The following MN1 variants were observed in gnomAD, a reference collection of about 807,000 sequenced individuals.
The protein encoded by MN1 is MN1 proto-oncogene, transcriptional regulator.
Under a neutral mutation model 86.9 loss-of-function variants are expected in MN1, and 19 were observed. The observed-to-expected ratio is 0.22, with a 90% CI of 0.15 to 0.32. The LOEUF is 0.32. Among genes scored for constraint, MN1 ranks in the 10% least tolerant of loss-of-function variants. The pLI, the probability that MN1 is intolerant of heterozygous loss-of-function variation, is 1.00. For missense variants in MN1, 1,841 were observed against 1,862.0 expected (o/e 0.99, Z 0.21); for synonymous variants, 928 against 849.6 (o/e 1.09, Z -1.60).
intron 1 of MN1, among the ~76,000 whole-genome samples, chr22:27,760,658 C>G (rs949916876): frequency 6.6e-6 from 1 of 152,228 alleles, no homozygotes; most frequent in African/African-American, 2.4e-5. Flanking sequence ...TAGTGGCCAA[C>G]AGCCTGCGTG....
In MN1 at chr22:27,750,536, G is replaced by C. The variant is rs1601319179; in HGVS notation, c.*379C>G. On this transcript the variant is annotated 3_prime_UTR_variant, in exon 2 of 2. Coordinates refer to ENST00000302326, the MANE Select transcript of MN1 (RefSeq NM_002430.3). ...TCTTATTATGAAATAACAATACTTG[G>C]ACATACAGCAGCATGAAAACAAAAC... 10 of 238,772 alleles carry C rather than the reference G, an allele frequency of 4.2e-5. No homozygotes were observed. In the East Asian group the frequency reaches 6.0e-4, roughly 14 times the overall value. The allele number at this position is 238,772 out of a possible 1,614,324, so 14.8% of individuals were successfully genotyped here.
intron 1 of MN1, among the ~76,000 whole-genome samples, chr22:27,791,412 T>C (rs1933209440): frequency 6.6e-6 from 1 of 151,890 alleles, no homozygotes; most frequent in Non-Finnish European, 1.5e-5. Flanking sequence ...GACACCATCC[T>C]AAAACAAACA....
intron 1 of MN1, among the ~76,000 whole-genome samples, chr22:27,795,869 C>A (rs976446843): frequency 6.6e-6 from 1 of 152,270 alleles, no homozygotes; most frequent in Admixed American, 6.5e-5. Flanking sequence ...ACTAACCCCA[C>A]CCCTCCCACC....
Position 27,800,255 on chromosome 22 carries a change from G to A in MN1, c.289C>T (p.Pro97Ser), listed in dbSNP as rs752761105. ...PVHGFFGGQQ[P>S]HHGHPGSHHP... is the part of the protein sequence containing the mutation. The stretch of plus-strand genomic sequence containing the variant: ...TGACTTCCCGGGTGGCCGTGGTGAG[G>A]CTGCTGGCCGCCAAAGAAGCCGTGC... The change falls in exon 1 of 2, where the codon CCT becomes TCT. Residue 97 changes from proline (P) to serine (S), a missense_variant. Physicochemically the swap from Pro to Ser is moderately conservative, Grantham distance 74 (BLOSUM62 -1). Transcript: ENST00000302326. 5 of 1,583,878 alleles carry A rather than the reference G, an allele frequency of 3.2e-6. No homozygotes were observed. Among genetic ancestry groups the A allele is most frequent in the Admixed American group, 3.6e-5 (2 of 56,072 alleles).
In MN1 at chr22:27,800,701, A is replaced by G. The variant is rs1411227167; in HGVS notation, c.-158T>C. 3.5e-6 allele frequency: 3 copies of G among 847,858 alleles called. No homozygotes were observed. The highest frequency in any genetic ancestry group is 5.4e-6 in the Non-Finnish European group (3 of 550,648). The allele number at this position is 847,858 out of a possible 1,614,324, so 52.5% of individuals were successfully genotyped here. On this transcript the variant is annotated 5_prime_UTR_variant, in exon 1 of 2. Coordinates refer to ENST00000302326, the MANE Select transcript of MN1 (RefSeq NM_002430.3). ...ACCTCCACCCCGCCTGATGTGAGGG[A>G]CGGGGGGCGGGGTATTAGCTCCTCT...
At chr22:27,770,030 A>G (rs761032569) in intron 1 of MN1, among the ~76,000 whole-genome samples, 7 of 152,182 alleles carry the variant, frequency 4.6e-5, no homozygotes, top group Admixed American at 6.5e-5. Flanking sequence ...CATAGTCACT[A>G]ATTGGCAATC....
chr22:27,797,351 T>G lies in MN1; in HGVS notation c.3193A>C (p.Asn1065His), dbSNP rs2146315702. The G allele has an allele frequency of 6.2e-7, 1 of 1,608,476 alleles. No individual in the cohort carries two copies. Among genetic ancestry groups the G allele is most frequent in the East Asian group, 2.2e-5 (1 of 44,856 alleles). Residue 1065 changes from asparagine (N) to histidine (H), a missense_variant, in exon 1 of 2, where the codon AAC becomes CAC. By Grantham distance (68) the Asn-to-His change is moderately conservative. Transcript: ENST00000302326. ...CTCGCTTTAACTAGTGCCTGGGGGTTGTCAGAGCTGGACGACACCTCGTCC... is the reference window on the plus strand; with the variant it reads ...CTCGCTTTAACTAGTGCCTGGGGGTGGTCAGAGCTGGACGACACCTCGTCC... ...NEDEVSSSSD[N>H]PQALVKASRS...
intron 1 of MN1, among the ~76,000 whole-genome samples, chr22:27,757,325 G>A (rs1211302652): frequency 2.6e-5 from 4 of 152,170 alleles, no homozygotes; most frequent in Non-Finnish European, 4.4e-5. Context: ...GTGAGCCACC[G>A]CACCCGGCGC....
chr22:27,800,658 C>A lies in MN1; in HGVS notation c.-115G>T. 2 of 1,491,566 alleles carry A rather than the reference C, an allele frequency of 1.3e-6. No homozygotes were observed. Among genetic ancestry groups the A allele is most frequent in the South Asian group, 1.2e-5 (1 of 80,284 alleles). The allele number at this position is 1,491,566 out of a possible 1,614,324, so 92.4% of individuals were successfully genotyped here. A position where few individuals can be genotyped will look rare whatever the true frequency, so the allele number is the denominator to read the frequency against. Reference sequence around the variant, plus strand: ...TTGGGCGCTCCGGGACGCTCAGCACCGCGGGGGCTCAGCGCGCACCTCCAC... The same window carrying A: ...TTGGGCGCTCCGGGACGCTCAGCACAGCGGGGGCTCAGCGCGCACCTCCAC... On this transcript the variant is annotated 5_prime_UTR_variant, in exon 1 of 2. Coordinates refer to ENST00000302326, the MANE Select transcript of MN1 (RefSeq NM_002430.3).
At chr22:27,786,303 A>C (rs1041220015) in intron 1 of MN1, among the ~76,000 whole-genome samples, 10 of 152,050 alleles carry the variant, frequency 6.6e-5, no homozygotes, top group African/African-American at 2.4e-4. Context: ...CCCTTTACAG[A>C]CTCAGTGTTA....
Position 27,750,875 on chromosome 22 carries a change from A to C in MN1, c.*40T>G. On this transcript the variant is annotated 3_prime_UTR_variant, in exon 2 of 2. Coordinates refer to ENST00000302326, the MANE Select transcript of MN1 (RefSeq NM_002430.3). ...GAGGGGGAAGGAAACAGACAGGGGG[A>C]GAGGAAGGGCCTGGTAGAGGAGGGG... 1 of 1,503,450 alleles carries C rather than the reference A, an allele frequency of 6.7e-7. No individual in the cohort carries two copies. The highest frequency in any genetic ancestry group is 9.0e-7 in the Non-Finnish European group (1 of 1,109,782). 93.1% of individuals were successfully genotyped at this position (1,503,450 alleles called of 1,614,324 possible). A position where few individuals can be genotyped will look rare whatever the true frequency, so the allele number is the denominator to read the frequency against.
At chr22:27,760,567 A>T (rs1932828150) in intron 1 of MN1, among the ~76,000 whole-genome samples, 1 of 152,170 alleles carries the variant, frequency 6.6e-6, no homozygotes, top group Non-Finnish European at 1.5e-5. Flanking sequence ...CTGGGGCAGG[A>T]GCCTAAGCAA....
Position 27,798,562 on chromosome 22 carries a change from G to A in MN1, c.1982C>T (p.Pro661Leu), listed in dbSNP as rs541205461. Reference sequence around the variant, plus strand: ...AGGCGGAGGAGGGGGCGCCAGGCTGGGGTCGTGCGGGCCACAGTCAGCGGG... The same window carrying A: ...AGGCGGAGGAGGGGGCGCCAGGCTGAGGTCGTGCGGGCCACAGTCAGCGGG... ...GLPADCGPHDPSLAPPPPPGG... is the reference protein window; with the variant it reads ...GLPADCGPHDLSLAPPPPPGG... Residue 661 changes from proline (P) to leucine (L), a missense_variant, in exon 1 of 2, where the codon CCC becomes CTC. Coordinates refer to ENST00000302326, the MANE Select transcript of MN1 (RefSeq NM_002430.3). 1.2e-5 allele frequency: 19 copies of A among 1,528,306 alleles called. No individual in the cohort carries two copies. The South Asian group carries it at 2.2e-4, about 18-fold the overall frequency. The allele number at this position is 1,528,306 out of a possible 1,614,324, so 94.7% of individuals were successfully genotyped here.
intron 1 of MN1, among the ~76,000 whole-genome samples, chr22:27,762,970 T>A (rs149507135): frequency 6.6e-6 from 1 of 152,048 alleles, no homozygotes; most frequent in African/African-American, 2.4e-5. Flanking sequence ...TAGCCAAGCA[T>A]GGTGGTGTGT....
intron 1 of MN1, among the ~76,000 whole-genome samples, chr22:27,791,430 G>A (rs1003383297): frequency 2.6e-5 from 4 of 151,844 alleles, no homozygotes; most frequent in East Asian, 3.9e-4. Context: ...ACACATCGTC[G>A]GCAAGTCAAA....
At chr22:27,763,056 T>C (rs1415233872) in intron 1 of MN1, among the ~76,000 whole-genome samples, 1 of 152,068 alleles carries the variant, frequency 6.6e-6, no homozygotes, top group Non-Finnish European at 1.5e-5. Flanking sequence ...GATGGTGCCA[T>C]TGCACTCTGG....
intron 1 of MN1, among the ~76,000 whole-genome samples, chr22:27,767,105 CT>C (rs1932875559): frequency 6.6e-6 from 1 of 152,136 alleles, no homozygotes; most frequent in Non-Finnish European, 1.5e-5. Flanking sequence ...TTCCATGAAA[CT>C]AGGGGCCTTG....
chr22:27,770,405 C>G (rs1043715042), intron 1 of MN1, among the ~76,000 whole-genome samples: 1 of 152,128 alleles, frequency 6.6e-6, no homozygotes, highest in Middle Eastern at 3.4e-3. Context: ...TTTTCCAACA[C>G]ATAAATTTCT....
At position 27,798,625 on chromosome 22, in the gene MN1, C is replaced by T; in HGVS notation, c.1919G>A (p.Gly640Glu). Residue 640 changes from glycine (G) to glutamate (E), a missense_variant, in exon 1 of 2, where the codon GGA (glycine) becomes GAA (glutamate). Coordinates refer to ENST00000302326, the MANE Select transcript of MN1 (RefSeq NM_002430.3). ...AWFSGPHPPPGDLLPRRMGGS... is the reference protein window; with the variant it reads ...AWFSGPHPPPEDLLPRRMGGS... ...GCCCATCCTACGGGGCAGCAGGTCT[C>T]CGGGCGGCGGATGCGGACCTGAGAA... 1.3e-6 allele frequency: 2 copies of T among 1,562,050 alleles called. No homozygotes were observed. The highest frequency in any genetic ancestry group is 1.7e-6 in the Non-Finnish European group (2 of 1,162,608).
Sources: gnomAD v4.1 joint callset for allele counts (sites outside exome capture counted in the v4.1 genomes callset) on GRCh38, gnomAD v4.1.1 for gene constraint, MANE v1.5 for transcripts, NCBI Gene and HGNC (gene_info 2026-07-23, HGNC 2026-07-21) for gene names.